The following KCNQ5 variants were observed in gnomAD, a reference collection of about 807,000 sequenced individuals.
KCNQ5 encodes potassium voltage-gated channel subfamily KQT member 5.
In KCNQ5, 30 loss-of-function variants were observed where a neutral mutation model predicts 98.2. The ratio of observed to expected loss-of-function variants is 0.31; its 90% CI spans 0.23 to 0.41. KCNQ5 has a LOEUF of 0.41. Among genes scored for constraint, KCNQ5 ranks in the 10% least tolerant of loss-of-function variants. KCNQ5 has a pLI of 1.00. For synonymous variants in KCNQ5, 458 were observed against 449.4 expected (o/e 1.02, Z -0.24); for missense variants, 835 against 1,182.5 (o/e 0.71, Z 4.31).
At chr6:73,030,485 C>T (rs539920842) in intron 2 of KCNQ5, among the ~76,000 whole-genome samples, 50 of 152,200 alleles carry the variant, frequency 3.3e-4, no homozygotes, top group African/African-American at 1.1e-3. Flanking sequence ...ACTCATATTG[C>T]CACAAAGTAC....
chr6:72,943,252 C>T (rs1766389792), intron 1 of KCNQ5, among the ~76,000 whole-genome samples: 3 of 152,088 alleles, frequency 2.0e-5, no homozygotes, highest in African/African-American at 7.2e-5. Context: ...TAAATATATC[C>T]TAAACTACAA....
intron 1 of KCNQ5, among the ~76,000 whole-genome samples, chr6:72,764,571 G>A (rs1772468008): frequency 6.6e-6 from 1 of 151,868 alleles, no homozygotes; most frequent in African/African-American, 2.4e-5. Context: ...CGAAGAATGG[G>A]ACATCCATCC....
At chr6:72,792,544 G>T (rs193053259) in intron 1 of KCNQ5, among the ~76,000 whole-genome samples, 1 of 152,232 alleles carries the variant, frequency 6.6e-6, no homozygotes, top group East Asian at 1.9e-4. Flanking sequence ...TTTCAGTGAC[G>T]ATGGGTCATG....
chr6:73,100,675 GA>G (rs113661896), intron 5 of KCNQ5, among the ~76,000 whole-genome samples: 32,417 of 118,466 alleles, frequency 0.27, 8,016 homozygotes, highest in African/African-American at 0.64. Flanking sequence ...TCTCAAAAAA[GA>G]AAAAAAAAAA....
chr6:72,956,063 G>A (rs1767030316), intron 1 of KCNQ5, among the ~76,000 whole-genome samples: 1 of 152,156 alleles, frequency 6.6e-6, no homozygotes, highest in Non-Finnish European at 1.5e-5. Context: ...TCAACTAAAA[G>A]GTAAGAAAAG....
intron 1 of KCNQ5, among the ~76,000 whole-genome samples, chr6:72,810,378 T>C (rs1775184403): frequency 6.6e-6 from 1 of 152,192 alleles, no homozygotes. Flanking sequence ...ATCTAAACAC[T>C]AGAGCTAATA....
chr6:72,892,841 T>A (rs1779109613), intron 1 of KCNQ5, among the ~76,000 whole-genome samples: 1 of 152,204 alleles, frequency 6.6e-6, no homozygotes, highest in Admixed American at 6.5e-5. Context: ...AGTTGGGTTT[T>A]TTTTCCTGTT....
chr6:73,098,573 T>C (rs1228971507), intron 5 of KCNQ5, among the ~76,000 whole-genome samples: 1 of 152,134 alleles, frequency 6.6e-6, no homozygotes, highest in African/African-American at 2.4e-5. Context: ...AGTGGAAACC[T>C]TACAGGCCAG....
chr6:72,803,747 C>A (rs1293146319), intron 1 of KCNQ5, among the ~76,000 whole-genome samples: 1 of 152,128 alleles, frequency 6.6e-6, no homozygotes, highest in Non-Finnish European at 1.5e-5. Flanking sequence ...TGACTAAATA[C>A]TTAATATCAT....
At chr6:72,906,106 G>A (rs1235286480) in intron 1 of KCNQ5, among the ~76,000 whole-genome samples, 1 of 152,068 alleles carries the variant, frequency 6.6e-6, no homozygotes, top group Non-Finnish European at 1.5e-5. Context: ...AGGTTTCCAG[G>A]TTAATAGAGT....
At chr6:72,753,687 G>A (rs1312253020) in intron 1 of KCNQ5, among the ~76,000 whole-genome samples, 1 of 151,986 alleles carries the variant, frequency 6.6e-6, no homozygotes, top group Non-Finnish European at 1.5e-5. Context: ...AATAATGATG[G>A]TGAACATCTT....
intron 1 of KCNQ5, among the ~76,000 whole-genome samples, chr6:72,955,976 C>T (rs367843054): frequency 8.6e-5 from 13 of 152,022 alleles, no homozygotes; most frequent in African/African-American, 3.1e-4. Flanking sequence ...ATAAGGCCAA[C>T]CTTAAAATAT....
chr6:72,998,625 T>C (rs1051214567), intron 1 of KCNQ5, among the ~76,000 whole-genome samples: 3 of 151,702 alleles, frequency 2.0e-5, no homozygotes, highest in Non-Finnish European at 2.9e-5. Context: ...TAGTCCCAGC[T>C]ACTCAGGAGG....
chr6:73,145,637 A>T (rs1776891009), intron 10 of KCNQ5, among the ~76,000 whole-genome samples: 1 of 152,178 alleles, frequency 6.6e-6, no homozygotes, highest in Non-Finnish European at 1.5e-5. Context: ...TCTCTAGACA[A>T]GTTAGTCCAG....
chr6:72,794,435 A>G (rs1426475672), intron 1 of KCNQ5, among the ~76,000 whole-genome samples: 1 of 152,124 alleles, frequency 6.6e-6, no homozygotes, highest in Non-Finnish European at 1.5e-5. Flanking sequence ...GAAAAATGAA[A>G]TGTGTCAGAA....
At chr6:73,103,277 C>T (rs1457060063) in intron 5 of KCNQ5, among the ~76,000 whole-genome samples, 1 of 152,120 alleles carries the variant, frequency 6.6e-6, no homozygotes, top group Admixed American at 6.6e-5. Flanking sequence ...AAATGTGGCA[C>T]ATATACACCA....
intron 1 of KCNQ5, among the ~76,000 whole-genome samples, chr6:72,663,288 C>T (rs1416128903): frequency 2.0e-5 from 3 of 152,048 alleles, no homozygotes; most frequent in East Asian, 1.9e-4. Context: ...TTTAAAAAAT[C>T]GTGTTTCTAA....
intron 1 of KCNQ5, among the ~76,000 whole-genome samples, chr6:72,726,021 A>G (rs7772464): frequency 0.058 from 8,836 of 151,986 alleles, 848 homozygotes; most frequent in African/African-American, 0.2. Flanking sequence ...CTTAATCCCA[A>G]AGTAATTTAC....
In KCNQ5 at chr6:72,934,378, G is replaced by A. The variant is rs992371198; in HGVS notation, c.399-69530G>A. Among the ~76,000 whole-genome samples, 3 of 152,106 alleles carry A rather than the reference G, an allele frequency of 2.0e-5. 1 individual carries two copies. Among genetic ancestry groups the A allele is most frequent in the South Asian group, 4.1e-4 (2 of 4,824 alleles). ...GGTGGTGGTGGTAATGATGATAATG[G>A]TGATGATGGTGGTGATGGTGGTGAT... On this transcript the variant is annotated intron_variant, in intron 1 of 13. Transcript: ENST00000370398.
Sources: gnomAD v4.1 joint callset for allele counts (sites outside exome capture counted in the v4.1 genomes callset) on GRCh38, gnomAD v4.1.1 for gene constraint, MANE v1.5 for transcripts, NCBI Gene and HGNC (gene_info 2026-07-23, HGNC 2026-07-21) for gene names.